The following MTREX variants were observed in gnomAD, a reference collection of about 807,000 sequenced individuals.
MTREX encodes exosome RNA helicase MTR4.
In MTREX, 76 loss-of-function variants were observed where a neutral mutation model predicts 135.4. The ratio of observed to expected loss-of-function variants is 0.56; its 90% confidence interval spans 0.47 to 0.68. The LOEUF is 0.68. Among genes scored for constraint, MTREX ranks in the 30% least tolerant of loss-of-function variants. The pLI is 0.00. For missense variants in MTREX, 920 were observed against 1,262.1 expected (o/e 0.73, Z 4.11); for synonymous variants, 404 against 401.6 (o/e 1.01, Z -0.07).
chr5:55,386,214 A>G (rs1240116824), intron 18 of MTREX, among the ~76,000 whole-genome samples: 2 of 152,338 alleles, frequency 1.3e-5, no homozygotes, highest in Middle Eastern at 3.4e-3. Context: ...TTTGCATTCT[A>G]CAAGCTCGGG....
rs989169243 is a variant in MTREX, at chr5:55,349,845, G to A, written c.1320+193G>A. On this transcript the variant is annotated intron_variant, in intron 12 of 26. Coordinates refer to ENST00000230640, the MANE Select transcript of MTREX (RefSeq NM_015360.5). ...CAATAGGAAGAAAGATTTGCTGCCTGAAGGAACTTTTCTCTGAGAGCTAGT... is the reference window on the plus strand; with the variant it reads ...CAATAGGAAGAAAGATTTGCTGCCTAAAGGAACTTTTCTCTGAGAGCTAGT... Among the ~76,000 whole-genome samples the A allele has an allele frequency of 1.6e-4, 24 of 152,206 alleles. 1 individual carries two copies. Among genetic ancestry groups the A allele is most frequent in the African/African-American group, 5.5e-4 (23 of 41,460 alleles).
intron 21 of MTREX, among the ~76,000 whole-genome samples, chr5:55,402,300 T>TA (rs1750733876): frequency 1.3e-5 from 2 of 152,328 alleles, no homozygotes; most frequent in South Asian, 4.1e-4. Flanking sequence ...TTTCATTACT[T>TA]ACACAGATAT....
intron 2 of MTREX, 119 bp downstream of exon 2, chr5:55,322,583 T>C (rs765663021): frequency 1.3e-4 from 89 of 696,014 alleles, no homozygotes; most frequent in Non-Finnish European, 1.8e-4. Flanking sequence ...AATGAAGATA[T>C]TCTTTCTATT....
At chr5:55,318,509 T>G (rs1355530183) in intron 1 of MTREX, among the ~76,000 whole-genome samples, 1 of 152,166 alleles carries the variant, frequency 6.6e-6, no homozygotes, top group Admixed American at 6.5e-5. Context: ...CTTAGCAAAC[T>G]AATGCAGGAA....
intron 12 of MTREX, 51 bp downstream of exon 12, chr5:55,349,703 A>C: frequency 1.0e-6 from 1 of 970,864 alleles, no homozygotes; most frequent in Non-Finnish European, 1.7e-6. Flanking sequence ...TAGATTGCAT[A>C]TATTCACTTT....
At chr5:55,408,375 A>C (rs1206194091) in intron 22 of MTREX, among the ~76,000 whole-genome samples, 3 of 152,226 alleles carry the variant, frequency 2.0e-5, no homozygotes, top group Middle Eastern at 6.8e-3. Context: ...CTGTTCTGTG[A>C]TTATCACCTT....
At chr5:55,411,141 G>A (rs1249201972) in intron 23 of MTREX, among the ~76,000 whole-genome samples, 1 of 152,138 alleles carries the variant, frequency 6.6e-6, no homozygotes, top group Non-Finnish European at 1.5e-5. Context: ...TGAGTAATTA[G>A]TTCACTTTCA....
intron 1 of MTREX, among the ~76,000 whole-genome samples, chr5:55,311,438 A>G (rs1377089410): frequency 6.6e-6 from 1 of 152,198 alleles, no homozygotes; most frequent in Non-Finnish European, 1.5e-5. Context: ...ATTTTATGCT[A>G]CAACAGCCTC....
Position 55,343,401 on chromosome 5 carries a change from T to C in MTREX, c.852T>C (p.Ala284=), listed in dbSNP as rs536414559. Residue 284 remains alanine (A), a synonymous_variant, in exon 8 of 27, where the codon GCT becomes GCC. Coordinates refer to ENST00000230640, the MANE Select transcript of MTREX (RefSeq NM_015360.5). The part of the protein sequence containing the change: ...PDNVHYVFLS[A]TIPNARQFAE... Reference sequence around the variant, plus strand: ...ACGTCCACTATGTCTTTCTTTCGGCTACTATTCCAAATGCCCGACAGTTTG... The same window carrying C: ...ACGTCCACTATGTCTTTCTTTCGGCCACTATTCCAAATGCCCGACAGTTTG... The C allele has an allele frequency of 1.2e-6, 2 of 1,613,634 alleles. No individual in the cohort carries two copies. The highest frequency in any genetic ancestry group is 4.5e-5 in the East Asian group (2 of 44,830).
chr5:55,348,146 A>G (rs1172533822), intron 11 of MTREX, among the ~76,000 whole-genome samples: 2 of 152,162 alleles, frequency 1.3e-5, no homozygotes, highest in East Asian at 3.9e-4. Context: ...CTGGAAATCC[A>G]ATTTGAGGGA....
chr5:55,405,592 A>G lies in MTREX; in HGVS notation c.2645+4A>G, dbSNP rs749237931. The G allele has an allele frequency of 1.1e-5, 17 of 1,604,224 alleles. No homozygotes were observed. Among genetic ancestry groups the G allele is most frequent in the Non-Finnish European group, 1.7e-6 (2 of 1,174,792 alleles). ...GAGTGGCTTGTGAGATAAGCAGGTA[A>G]AATCTGGTTATTGTTCTAGAAAGTT... On this transcript the variant is annotated splice_donor_region_variant and intron_variant, in intron 22 of 26. Transcript: ENST00000230640.
At chr5:55,315,574 C>T (rs1335401316) in intron 1 of MTREX, among the ~76,000 whole-genome samples, 5 of 152,066 alleles carry the variant, frequency 3.3e-5, no homozygotes, top group Admixed American at 6.5e-5. Flanking sequence ...TATTCCATTG[C>T]GGCATAGAGC....
chr5:55,312,191 C>T (rs995359032), intron 1 of MTREX, among the ~76,000 whole-genome samples: 1 of 152,058 alleles, frequency 6.6e-6, no homozygotes, highest in Admixed American at 6.6e-5. Context: ...CTGGAATCCA[C>T]CTATTAAAAA....
intron 21 of MTREX, among the ~76,000 whole-genome samples, chr5:55,404,797 CT>C (rs10714588): frequency 0.73 from 95,798 of 131,736 alleles, 32,884 homozygotes; most frequent in South Asian, 0.78. Flanking sequence ...GCTCTGTTCT[CT>C]TTTTTTTTTT....
chr5:55,418,637 T>G (rs230760), intron 25 of MTREX, among the ~76,000 whole-genome samples: 130,387 of 151,660 alleles, frequency 0.86, 56,436 homozygotes, highest in South Asian at 0.92. Flanking sequence ...ATGTTTTTCT[T>G]GTGTGTGAGC....
Position 55,339,249 on chromosome 5 carries a change from G to A in MTREX, c.516-761G>A, listed in dbSNP as rs562332034. 3.3e-5 allele frequency among the ~76,000 whole-genome samples: 5 copies of A among 152,178 alleles called. 1 individual carries two copies. In the South Asian group the frequency reaches 6.2e-4, roughly 19 times the overall value. On this transcript the variant is annotated intron_variant, in intron 5 of 26. Coordinates refer to ENST00000230640, the MANE Select transcript of MTREX (RefSeq NM_015360.5). Reference sequence around the variant, plus strand: ...TTTTTTCTTGAAAAGTTTAGATAATGTATGTAGCATTTCTGTATTTTCTTT... The same window carrying A: ...TTTTTTCTTGAAAAGTTTAGATAATATATGTAGCATTTCTGTATTTTCTTT...
At chr5:55,320,116 A>G (rs1178424740) in intron 1 of MTREX, among the ~76,000 whole-genome samples, 1 of 152,154 alleles carries the variant, frequency 6.6e-6, no homozygotes, top group East Asian at 1.9e-4. Flanking sequence ...GAGTGACAGA[A>G]TTTACAAATT....
At position 55,328,753 on chromosome 5, in the gene MTREX, A is replaced by C; in HGVS notation, c.457A>C (p.Asn153His). ...AAGAGAGGCCATTCAGTGTGTTGACAATAATCAGTCTGTTCTAGTATCTGC... is the reference window on the plus strand; with the variant it reads ...AAGAGAGGCCATTCAGTGTGTTGACCATAATCAGTCTGTTCTAGTATCTGC... ...FQREAIQCVD[N>H]NQSVLVSAHT... Residue 153 changes from asparagine (N) to histidine (H), a missense_variant, in exon 5 of 27, where the codon AAT becomes CAT. Asn to His is a moderately conservative substitution (Grantham distance 68, BLOSUM62 1). Coordinates refer to ENST00000230640, the MANE Select transcript of MTREX (RefSeq NM_015360.5). 1 of 1,613,710 alleles carries C rather than the reference A, an allele frequency of 6.2e-7. No homozygotes were observed.
intron 25 of MTREX, among the ~76,000 whole-genome samples, chr5:55,417,916 TTTTTA>T (rs1750994544): frequency 6.6e-6 from 1 of 151,774 alleles, no homozygotes; most frequent in Admixed American, 6.6e-5. Context: ...TTTATTTTTA[TTTTTA>T]TTTTTTATTT....
Sources: gnomAD v4.1 joint callset for allele counts (sites outside exome capture counted in the v4.1 genomes callset) on GRCh38, gnomAD v4.1.1 for gene constraint, MANE v1.5 for transcripts, NCBI Gene and HGNC (gene_info 2026-07-23, HGNC 2026-07-21) for gene names.